CEP112: variants seen among roughly 807,000 people sequenced by gnomAD.
CEP112 encodes the protein centrosomal protein of 112 kDa.
A neutral mutation model predicts 153.0 loss-of-function variants in CEP112; 127 were observed. The observed-to-expected ratio is 0.83, with a 90% CI of 0.72 to 0.96. The LOEUF (loss-of-function observed/expected upper bound fraction) is 0.96, where lower values mean the gene tolerates loss of function less well. Ranked by LOEUF, CEP112 falls within the 40% of genes least tolerant of loss-of-function variation. The probability of loss-of-function intolerance (pLI) is 0.00; values close to 1 mark genes in which losing one functional copy is unlikely to be tolerated. For missense variants in CEP112, 1,089 were observed against 1,101.2 expected, an observed-to-expected ratio of 0.99 and a Z score of 0.16; for synonymous variants, 358 against 374.4, an observed-to-expected ratio of 0.96 and a Z score of 0.51.
intron 21 of CEP112, among the ~76,000 whole-genome samples, chr17:65,850,216 C>T (rs543190128): frequency 2.0e-5 from 3 of 150,462 alleles, no homozygotes; most frequent in East Asian, 2.0e-4. Context: ...ATTTTAGCAT[C>T]GAGACATTAT....
rs1482198897 is a variant in CEP112, at chr17:65,826,100, TC to T, written c.2394+25703del. 3 of 1,590,502 alleles carry T rather than the reference TC, an allele frequency of 1.9e-6. No individual in the cohort carries two copies. The Admixed American group carries it at 5.0e-5, about 27-fold the overall frequency. ...AATGAGATTTATTTTTTCAGCAAGA[TC>T]CCTATGTCAGGAGGACAGAGGTTGT... On this transcript the variant is annotated intron_variant, in intron 21 of 26. Coordinates refer to ENST00000535342, the MANE Select transcript of CEP112 (RefSeq NM_001199165.4).
intron 24 of CEP112, among the ~76,000 whole-genome samples, chr17:65,673,242 C>T (rs932039580): frequency 2.0e-5 from 3 of 152,138 alleles, no homozygotes; most frequent in Non-Finnish European, 2.9e-5. Context: ...CATCTCCTTG[C>T]GACTGCTATT....
At chr17:65,807,552 GA>G (rs2055684281) in intron 21 of CEP112, among the ~76,000 whole-genome samples, 2 of 152,174 alleles carry the variant, frequency 1.3e-5, no homozygotes, top group South Asian at 2.1e-4. Flanking sequence ...GACTAGGAGG[GA>G]AAAATGGTTT....
At chr17:65,809,311 T>C (rs1196913448) in intron 21 of CEP112, among the ~76,000 whole-genome samples, 2 of 152,240 alleles carry the variant, frequency 1.3e-5, no homozygotes, top group African/African-American at 4.8e-5. Flanking sequence ...ATTTCCATTT[T>C]GTTTCAATAC....
At chr17:65,657,017 T>C (rs2046095962) in intron 24 of CEP112, among the ~76,000 whole-genome samples, 1 of 152,182 alleles carries the variant, frequency 6.6e-6, no homozygotes, top group South Asian at 2.1e-4. Context: ...GTAGGCTGGC[T>C]TCAAAGCTGA....
chr17:65,929,818 A>G (rs1001195171), intron 18 of CEP112, among the ~76,000 whole-genome samples: 2 of 152,216 alleles, frequency 1.3e-5, no homozygotes, highest in African/African-American at 2.4e-5. Flanking sequence ...ACAATTTCCA[A>G]CGTTTAGTTC....
At chr17:65,837,496 C>T (rs562433582) in intron 21 of CEP112, among the ~76,000 whole-genome samples, 1 of 151,888 alleles carries the variant, frequency 6.6e-6, no homozygotes, top group African/African-American at 2.4e-5. Context: ...CCCGCTGCCA[C>T]CCCGTCTGGG....
chr17:65,720,281 C>A (rs1344104172), intron 23 of CEP112, among the ~76,000 whole-genome samples: 4 of 152,128 alleles, frequency 2.6e-5, no homozygotes, highest in Non-Finnish European at 4.4e-5. Flanking sequence ...CTAGAACACA[C>A]TATGATCTAA....
intron 6 of CEP112, among the ~76,000 whole-genome samples, chr17:66,121,896 CTTGT>C (rs1032472056): frequency 6.6e-6 from 1 of 151,126 alleles, no homozygotes; most frequent in African/African-American, 2.4e-5. Flanking sequence ...GTTTTTTGCT[CTTGT>C]TTTTGTTTTT....
chr17:65,647,973 C>T (rs186292567), intron 24 of CEP112, among the ~76,000 whole-genome samples: 42 of 152,220 alleles, frequency 2.8e-4, no homozygotes, highest in Non-Finnish European at 5.0e-4. Flanking sequence ...TTGATGGACA[C>T]AAAATTCCTT....
Position 66,053,894 on chromosome 17 carries a change from C to T in CEP112, c.1075-15G>A, listed in dbSNP as rs751168659. ...GCATTGTGAAGCTACATCAGGAAATCAAGAGTTGACTCTTTTACTACTATG... is the reference window on the plus strand; with the variant it reads ...GCATTGTGAAGCTACATCAGGAAATTAAGAGTTGACTCTTTTACTACTATG... On this transcript the variant is annotated splice_polypyrimidine_tract_variant and intron_variant, in intron 11 of 26. Transcript: ENST00000535342. 1.9e-6 allele frequency: 3 copies of T among 1,602,286 alleles called. No homozygotes were observed. The African/African-American group carries it at 4.0e-5, about 21-fold the overall frequency.
At chr17:66,068,089 A>C (rs1306733915) in intron 9 of CEP112, among the ~76,000 whole-genome samples, 1 of 152,240 alleles carries the variant, frequency 6.6e-6, no homozygotes, top group Non-Finnish European at 1.5e-5. Flanking sequence ...CAGAAGTTTT[A>C]AATGTAATCA....
intron 17 of CEP112, among the ~76,000 whole-genome samples, chr17:65,971,155 T>C: frequency 6.6e-6 from 1 of 150,586 alleles, no homozygotes; most frequent in East Asian, 1.9e-4. Flanking sequence ...ACATGATACA[T>C]GTACATTACA....
intron 6 of CEP112, among the ~76,000 whole-genome samples, chr17:66,118,236 C>T (rs529385577): frequency 1.6e-4 from 25 of 152,266 alleles, no homozygotes; most frequent in African/African-American, 6.0e-4. Flanking sequence ...GGACAGATTA[C>T]TGCATTTATA....
intron 8 of CEP112, among the ~76,000 whole-genome samples, chr17:66,083,096 C>T (rs2067786050): frequency 6.6e-6 from 1 of 152,030 alleles, no homozygotes; most frequent in South Asian, 2.1e-4. Context: ...GTGTCCTCAC[C>T]CAAATATCAT....
chr17:65,940,640 A>C (rs2061477501), intron 18 of CEP112, among the ~76,000 whole-genome samples: 2 of 152,214 alleles, frequency 1.3e-5, no homozygotes, highest in Non-Finnish European at 2.9e-5. Flanking sequence ...CCAAGCACAG[A>C]AAGACAAAAT....
chr17:65,796,074 C>T (rs771269373), intron 21 of CEP112, among the ~76,000 whole-genome samples: 4 of 152,154 alleles, frequency 2.6e-5, no homozygotes, highest in Non-Finnish European at 5.9e-5. Context: ...GCCTTTGCCA[C>T]TTGTTCCAGC....
intron 7 of CEP112, 107 bp from the exon 8 acceptor site, chr17:66,096,435 A>G: frequency 2.6e-6 from 3 of 1,173,846 alleles, no homozygotes; most frequent in Non-Finnish European, 1.2e-6. Context: ...TAGTACTAAC[A>G]CTGCAGGAAA....
chr17:66,153,468 C>CA (rs11303537), intron 4 of CEP112, among the ~76,000 whole-genome samples: 8,496 of 123,554 alleles, frequency 0.069, 328 homozygotes, highest in Non-Finnish European at 0.093. Context: ...TAGAAAAGGC[C>CA]AAAAAAAAAA....
Sources: gnomAD v4.1 joint callset for allele counts (sites outside exome capture counted in the v4.1 genomes callset) on GRCh38, gnomAD v4.1.1 for gene constraint, MANE v1.5 for transcripts, NCBI Gene and HGNC (gene_info 2026-07-23, HGNC 2026-07-21) for gene names.